SLC5A4: variants seen among roughly 807,000 people sequenced by gnomAD.
SLC5A4 encodes the protein probable glucose sensor protein SLC5A4.
A neutral mutation model predicts 70.3 loss-of-function variants in SLC5A4; 55 were observed. The observed-to-expected ratio is 0.78, with a 90% CI of 0.63 to 0.98. SLC5A4 has a LOEUF of 0.98. Ranked by LOEUF, SLC5A4 falls within the 50% of genes least tolerant of loss-of-function variation. The pLI is 0.00. For synonymous variants in SLC5A4, 268 were observed against 305.7 expected (o/e 0.88, Z 1.29); for missense variants, 735 against 839.2 (o/e 0.88, Z 1.53).
chr22:32,300,389 A>G, the SLC5A4 span, among the ~76,000 whole-genome samples: 1 of 152,100 alleles, frequency 6.6e-6, no homozygotes, highest in Non-Finnish European at 1.5e-5. Context: ...CAGTCGGAAA[A>G]GCGCAGTATT....
At chr22:32,308,801 C>G in the SLC5A4 span, among the ~76,000 whole-genome samples, 1 of 152,168 alleles carries the variant, frequency 6.6e-6, no homozygotes, top group Non-Finnish European at 1.5e-5. Context: ...TGTGTCCATG[C>G]ATGTGTGTGC....
the SLC5A4 span, among the ~76,000 whole-genome samples, chr22:32,329,702 GCTCTGGTGTGTGTTGGGGA>G: frequency 0.011 from 188 of 17,424 alleles, 14 homozygotes; most frequent in African/African-American, 0.018. Flanking sequence ...TGTGTTGGGG[GCTCTGGTGTGTGTTGGGGA>G]CTCTGGTGTG....
chr22:32,340,776 G>A, the SLC5A4 span, among the ~76,000 whole-genome samples: 3 of 152,174 alleles, frequency 2.0e-5, no homozygotes, highest in South Asian at 6.2e-4. Flanking sequence ...GTGGGGTGGG[G>A]TCAGATCATG....
intron 5 of SLC5A4, among the ~76,000 whole-genome samples, chr22:32,243,670 T>C (rs1006533482): frequency 1.3e-5 from 2 of 152,174 alleles, no homozygotes; most frequent in African/African-American, 4.8e-5. Flanking sequence ...AAATTTTACA[T>C]TGAAATTATT....
At chr22:32,333,502 T>C in the SLC5A4 span, among the ~76,000 whole-genome samples, 1 of 152,094 alleles carries the variant, frequency 6.6e-6, no homozygotes, top group Admixed American at 6.5e-5. Flanking sequence ...GCCCATGCTT[T>C]TTAATCCTTA....
the SLC5A4 span, among the ~76,000 whole-genome samples, chr22:32,306,171 A>T: frequency 1.3e-5 from 2 of 152,288 alleles, no homozygotes; most frequent in South Asian, 4.1e-4. Flanking sequence ...TGTTATAAAA[A>T]TTACTGTATA....
At chr22:32,346,421 A>C in the SLC5A4 span, among the ~76,000 whole-genome samples, 1 of 152,140 alleles carries the variant, frequency 6.6e-6, no homozygotes. Context: ...AAAAGAACAA[A>C]GCTGGAGGCA....
In SLC5A4 at chr22:32,238,426, G is replaced by A. The variant is rs141727562; in HGVS notation, c.583+559C>T. On this transcript the variant is annotated intron_variant, in intron 6 of 14. Transcript: ENST00000266086. ...TGTTCTAGCTGGTATTTTTCCTTAC[G>A]TCTTCCAACTCAGCTGGTATACTTT... Among the ~76,000 whole-genome samples the A allele has an allele frequency of 2.6e-5, 4 of 152,192 alleles. No homozygotes were observed. The East Asian group carries it at 7.7e-4, about 29-fold the overall frequency.
the SLC5A4 span, among the ~76,000 whole-genome samples, chr22:32,315,304 A>T: frequency 6.6e-6 from 1 of 152,166 alleles, no homozygotes; most frequent in Non-Finnish European, 1.5e-5. Flanking sequence ...ATAAATAATA[A>T]AAAGTAGGAG....
chr22:32,269,652 G>A, the SLC5A4 span: 14 of 594,312 alleles, frequency 2.4e-5, no homozygotes, highest in African/African-American at 1.3e-4. The surrounding 1 kb of genome is among the most constrained non-coding windows in gnomAD (Gnocchi z 4.1). Context: ...GGTGGTCTTT[G>A]TCGTCAGCTC....
chr22:32,354,612 C>T, the SLC5A4 span, among the ~76,000 whole-genome samples: 11 of 151,946 alleles, frequency 7.2e-5, no homozygotes, highest in South Asian at 4.2e-4. Flanking sequence ...TCCCCACTGC[C>T]GCTAGCAGTA....
the SLC5A4 span, among the ~76,000 whole-genome samples, chr22:32,319,481 C>T: frequency 1.3e-5 from 2 of 152,220 alleles, no homozygotes; most frequent in East Asian, 1.9e-4. Flanking sequence ...TCGACTGACA[C>T]TGGAACTCAC....
intron 5 of SLC5A4, among the ~76,000 whole-genome samples, chr22:32,246,850 A>T (rs974811068): frequency 6.6e-6 from 1 of 152,220 alleles, no homozygotes; most frequent in Non-Finnish European, 1.5e-5. Flanking sequence ...ACTTTATAAA[A>T]AAGTACTTAA....
chr22:32,226,510 T>C (rs943257285), intron 11 of SLC5A4, among the ~76,000 whole-genome samples: 1 of 151,992 alleles, frequency 6.6e-6, no homozygotes, highest in Non-Finnish European at 1.5e-5. Context: ...AGTTGTGGGG[T>C]GGAGGAAGGA....
At chr22:32,301,035 T>C in the SLC5A4 span, among the ~76,000 whole-genome samples, 1 of 152,158 alleles carries the variant, frequency 6.6e-6, no homozygotes, top group Non-Finnish European at 1.5e-5. Flanking sequence ...TGATCTTGGC[T>C]CACTGCAGCC....
the SLC5A4 span, among the ~76,000 whole-genome samples, chr22:32,304,791 A>G: frequency 6.6e-6 from 1 of 152,280 alleles, no homozygotes; most frequent in Middle Eastern, 3.4e-3. Context: ...GTTGTATCTA[A>G]CAAGTCATTG....
chr22:32,317,517 C>T, the SLC5A4 span, among the ~76,000 whole-genome samples: 1 of 151,980 alleles, frequency 6.6e-6, no homozygotes, highest in Non-Finnish European at 1.5e-5. Flanking sequence ...AGCTGGAGTG[C>T]AATGGTGCAA....
rs893472051 is a variant in SLC5A4, at chr22:32,233,046, A to G, written c.886-12T>C. 8 of 1,609,610 alleles carry G rather than the reference A, an allele frequency of 5.0e-6. No individual in the cohort carries two copies. The highest frequency in any genetic ancestry group is 6.8e-6 in the Non-Finnish European group (8 of 1,177,738). On this transcript the variant is annotated splice_polypyrimidine_tract_variant and intron_variant, in intron 8 of 14. Transcript: ENST00000266086. Reference sequence around the variant, plus strand: ...CGCTGCACAATGACCTGCCGGGAGAACGTGACACACTCATGAAACAAGCCA... The same window carrying G: ...CGCTGCACAATGACCTGCCGGGAGAGCGTGACACACTCATGAAACAAGCCA...
At position 32,236,805 on chromosome 22, in the gene SLC5A4, C is replaced by T. The variant is rs563378827; in HGVS notation, c.664+439G>A. On this transcript the variant is annotated intron_variant, in intron 7 of 14. Coordinates refer to ENST00000266086, the MANE Select transcript of SLC5A4 (RefSeq NM_014227.3). Reference sequence around the variant, plus strand: ...CTGCAACCTCCGATTTCCGGGTTCACACCATTCTCCTGCCTCAGCCTCTTG... The same window carrying T: ...CTGCAACCTCCGATTTCCGGGTTCATACCATTCTCCTGCCTCAGCCTCTTG... 4.2e-4 allele frequency among the ~76,000 whole-genome samples: 64 copies of T among 151,530 alleles called. 1 individual carries two copies. Among genetic ancestry groups the T allele is most frequent in the African/African-American group, 1.5e-3 (62 of 41,258 alleles).
Sources: gnomAD v4.1 joint callset for allele counts (sites outside exome capture counted in the v4.1 genomes callset) on GRCh38, gnomAD v4.1.1 for gene constraint, Gnocchi (gnomAD v3.1) non-coding constraint, MANE v1.5 for transcripts, NCBI Gene and HGNC (gene_info 2026-07-23, HGNC 2026-07-21) for gene names.